SLX9: variants seen among roughly 807,000 people sequenced by gnomAD.
SLX9 encodes the protein SLX9 ribosome biogenesis factor.
SLX9 carries 19 observed loss-of-function variants against 20.8 expected under a neutral mutation model. The ratio of observed to expected loss-of-function variants is 0.91; its 90% CI spans 0.64 to 1.34. SLX9 has a LOEUF of 1.34. Ranked by LOEUF, SLX9 falls within the 40% of genes most tolerant of loss-of-function variation. The probability of loss-of-function intolerance (pLI) is 0.00; values close to 1 mark genes in which losing one functional copy is unlikely to be tolerated. For synonymous variants in SLX9, 113 were observed against 137.1 expected, an observed-to-expected ratio of 0.82 and a Z score of 1.23; for missense variants, 299 against 322.2, an observed-to-expected ratio of 0.93 and a Z score of 0.55.
chr21:44,947,289 T>A (rs1182910661), intron 2 of SLX9, among the ~76,000 whole-genome samples: 1 of 152,150 alleles, frequency 6.6e-6, no homozygotes, highest in Non-Finnish European at 1.5e-5. Flanking sequence ...GGCCTGTGGG[T>A]GCCTGTCTGC....
chr21:44,949,905 T>A (rs538744895), intron 2 of SLX9, among the ~76,000 whole-genome samples: 28 of 152,292 alleles, frequency 1.8e-4, no homozygotes, highest in Middle Eastern at 6.8e-3. Context: ...CTTGGCTTCC[T>A]GGCCGTCCCT....
At chr21:44,959,886 G>A (rs569305794) in intron 2 of SLX9, among the ~76,000 whole-genome samples, 44 of 152,190 alleles carry the variant, frequency 2.9e-4, no homozygotes, top group Non-Finnish European at 5.6e-4. Context: ...CACTGCGGGG[G>A]GACGCTGCTG....
At chr21:44,941,991 C>A (rs2084559209) in intron 1 of SLX9, among the ~76,000 whole-genome samples, 1 of 152,218 alleles carries the variant, frequency 6.6e-6, no homozygotes, top group African/African-American at 2.4e-5. Context: ...AGAGATGGGG[C>A]AGGAGCAGCT....
At chr21:44,942,226 C>T (rs2084562971) in intron 1 of SLX9, among the ~76,000 whole-genome samples, 2 of 152,222 alleles carry the variant, frequency 1.3e-5, no homozygotes, top group African/African-American at 4.8e-5. Context: ...ATGCTGCACC[C>T]CTTGTCCCCA....
chr21:44,950,985 C>G (rs1420235076), intron 2 of SLX9, among the ~76,000 whole-genome samples: 1 of 152,286 alleles, frequency 6.6e-6, no homozygotes, highest in Middle Eastern at 3.4e-3. Flanking sequence ...GGTCCCTGTC[C>G]TGGAGCACGT....
At position 44,960,237 on chromosome 21, in the gene SLX9, A is replaced by G. The variant is rs2146651315; in HGVS notation, c.352+69A>G. On this transcript the variant is annotated intron_variant, in intron 3 of 5. Coordinates refer to ENST00000291634, the MANE Select transcript of SLX9 (RefSeq NM_058190.4). ...CCATCCCGTGGGCCCTCCTATTCCT[A>G]CAGCCTCACATCTGGCCTTCTACAT... 3.5e-6 allele frequency: 5 copies of G among 1,418,690 alleles called. No individual in the cohort carries two copies. The East Asian group carries it at 6.8e-5, about 19-fold the overall frequency. 87.9% of individuals were successfully genotyped at this position (1,418,690 alleles called of 1,614,324 possible). A position where few individuals can be genotyped will look rare whatever the true frequency, so the allele number is the denominator to read the frequency against.
intron 3 of SLX9, among the ~76,000 whole-genome samples, chr21:44,966,316 A>G (rs2085033170): frequency 6.6e-6 from 1 of 151,904 alleles, no homozygotes; most frequent in African/African-American, 2.4e-5. Flanking sequence ...GGCCTGTGTC[A>G]CGAGCTGGCA....
chr21:44,968,169 C>T (rs2085073939), intron 4 of SLX9, among the ~76,000 whole-genome samples: 1 of 152,134 alleles, frequency 6.6e-6, no homozygotes. Flanking sequence ...GTGCTCCCTC[C>T]AGAACCCCAT....
chr21:44,976,901 C>T lies in SLX9; in HGVS notation c.*98C>T. The stretch of plus-strand genomic sequence containing the variant: ...CCATGGCCTGAGCCTGGTGGACGCC[C>T]TTCCCTCTGGTCGGTTGTGGGGCTC... On this transcript the variant is annotated 3_prime_UTR_variant, in exon 6 of 6. Coordinates refer to ENST00000291634, the MANE Select transcript of SLX9 (RefSeq NM_058190.4). 1 of 1,484,988 alleles carries T rather than the reference C, an allele frequency of 6.7e-7. No individual in the cohort carries two copies. The highest frequency in any genetic ancestry group is 9.0e-7 in the Non-Finnish European group (1 of 1,108,774). The allele number at this position is 1,484,988 out of a possible 1,614,324, so 92.0% of individuals were successfully genotyped here.
intron 2 of SLX9, among the ~76,000 whole-genome samples, chr21:44,951,461 G>A (rs1040539224): frequency 2.0e-5 from 3 of 152,120 alleles, no homozygotes; most frequent in Non-Finnish European, 2.9e-5. Context: ...AGTCCTCAGC[G>A]CACGGGGCGA....
chr21:44,939,997 C>A, upstream of SLX9: 3 of 1,361,440 alleles, frequency 2.2e-6, no homozygotes, highest in Non-Finnish European at 2.8e-6. Context: ...CGCCGGGCGG[C>A]GAGAACGCAG....
chr21:44,940,768 C>G (rs2084530907), intron 1 of SLX9, among the ~76,000 whole-genome samples: 1 of 150,264 alleles, frequency 6.7e-6, no homozygotes, highest in African/African-American at 2.4e-5. Context: ...GAGCTTCTTG[C>G]GTGTGTAGGT....
chr21:44,940,241 G>A, intron 1 of SLX9, 55 bp downstream of exon 1: 1 of 1,201,218 alleles, frequency 8.3e-7, no homozygotes, highest in Non-Finnish European at 1.0e-6. Flanking sequence ...GGGCGGGTGA[G>A]CTGCGGGGCG....
chr21:44,955,017 C>T (rs1226484968), intron 2 of SLX9, among the ~76,000 whole-genome samples: 2 of 152,002 alleles, frequency 1.3e-5, no homozygotes, highest in Non-Finnish European at 2.9e-5. Context: ...AGTTTGAGAC[C>T]AGGCTGGCCA....
At chr21:44,962,316 C>CA (rs2084960531) in intron 3 of SLX9, among the ~76,000 whole-genome samples, 2 of 152,316 alleles carry the variant, frequency 1.3e-5, no homozygotes, top group South Asian at 4.1e-4. Flanking sequence ...CGCACCCCCC[C>CA]AGTCAATTAC....
At chr21:44,964,775 A>G (rs1401109171) in intron 3 of SLX9, among the ~76,000 whole-genome samples, 1 of 152,228 alleles carries the variant, frequency 6.6e-6, no homozygotes, top group South Asian at 2.1e-4. Context: ...TTGCCAGTCT[A>G]TGAGGTGCAA....
At chr21:44,950,227 C>A (rs534893466) in intron 2 of SLX9, among the ~76,000 whole-genome samples, 30 of 150,670 alleles carry the variant, frequency 2.0e-4, no homozygotes, top group Admixed American at 1.8e-3. Context: ...CTGCTATTTT[C>A]CAGTATCTCA....
chr21:44,960,760 C>CA (rs2084938284), intron 3 of SLX9, among the ~76,000 whole-genome samples: 1 of 152,248 alleles, frequency 6.6e-6, no homozygotes, highest in Non-Finnish European at 1.5e-5. Flanking sequence ...CACGTCTCCG[C>CA]AGGCTGAAAG....
chr21:44,961,362 T>G (rs971937977), intron 3 of SLX9, among the ~76,000 whole-genome samples: 3 of 152,214 alleles, frequency 2.0e-5, no homozygotes, highest in African/African-American at 7.2e-5. Flanking sequence ...AAGGATCACC[T>G]ACGCCCAGGA....
Sources: allele counts gnomAD v4.1 joint callset (sites outside exome capture counted in the v4.1 genomes callset), GRCh38; gene constraint gnomAD v4.1.1; transcripts MANE v1.5; gene names NCBI Gene and HGNC (gene_info 2026-07-23, HGNC 2026-07-21).